Variants in ATP2B2 observed in about 807,000 individuals in gnomAD.
The protein encoded by ATP2B2 is ATPase plasma membrane Ca2+ transporting 2, also known as plasma membrane calcium-transporting ATPase 2.
ATP2B2 carries 15 observed loss-of-function variants against 120.0 expected under a neutral mutation model. The observed-to-expected ratio is 0.12, with a 90% CI of 0.08 to 0.19. ATP2B2 has a LOEUF of 0.19. Ranked by LOEUF, ATP2B2 falls within the 10% of genes least tolerant of loss-of-function variation. The probability of loss-of-function intolerance (pLI) is 1.00; values close to 1 mark genes in which losing one functional copy is unlikely to be tolerated. For missense variants in ATP2B2, 1,045 were observed against 1,719.8 expected, an observed-to-expected ratio of 0.61 and a Z score of 6.94; for synonymous variants, 694 against 700.3, an observed-to-expected ratio of 0.99 and a Z score of 0.14.
chr3:10,359,076 C>T (rs531415045), intron 13 of ATP2B2, 151 bp from the exon 14 acceptor site: 2 of 787,396 alleles, frequency 2.5e-6, no homozygotes, highest in Admixed American at 2.6e-5. Flanking sequence ...TGAAATCAAG[C>T]ATTCGTCCTG....
intron 5 of ATP2B2, among the ~76,000 whole-genome samples, chr3:10,400,154 C>T (rs1436385841): frequency 6.6e-6 from 1 of 152,270 alleles, no homozygotes; most frequent in Non-Finnish European, 1.5e-5. Context: ...CAGGGTTTCC[C>T]CACCTCTTCT....
rs779230526 is a variant in ATP2B2, at chr3:10,371,929, C to T, written c.1539G>A (p.Gln513=). 1 of 1,614,234 alleles carries T rather than the reference C, an allele frequency of 6.2e-7. No individual in the cohort carries two copies. Among genetic ancestry groups the T allele is most frequent in the Non-Finnish European group, 8.5e-7 (1 of 1,180,044 alleles). ...TATAGTGGACGTCGCCGACATAGGC[C>T]TGTACCACTGTCATGCGATTGGTGG... ...TLTTNRMTVV[Q]AYVGDVHYKE... is the part of the protein sequence containing the mutation. The change falls in exon 12 of 23, where the codon CAG becomes CAA. Residue 513 remains glutamine (Q), a synonymous_variant. Coordinates refer to ENST00000360273, the MANE Select transcript of ATP2B2 (RefSeq NM_001001331.4).
intron 1 of ATP2B2, among the ~76,000 whole-genome samples, chr3:10,648,950 C>G (rs1382637918): frequency 1.3e-5 from 2 of 152,234 alleles, no homozygotes; most frequent in Non-Finnish European, 1.5e-5. Flanking sequence ...ACAGAGCAGC[C>G]AGAGATGACC....
intron 2 of ATP2B2, among the ~76,000 whole-genome samples, chr3:10,600,838 A>G (rs9822272): frequency 0.15 from 22,930 of 152,022 alleles, 1,907 homozygotes; most frequent in East Asian, 0.26. Flanking sequence ...ATGGGGAGGG[A>G]GATGAGCTGG....
chr3:10,680,887 T>C (rs894029235), intron 1 of ATP2B2, among the ~76,000 whole-genome samples: 5 of 152,170 alleles, frequency 3.3e-5, no homozygotes, highest in African/African-American at 1.2e-4. Context: ...ATTCTCCATG[T>C]GGAGGTGGGG....
At chr3:10,629,180 GCA>G (rs897686533) in intron 1 of ATP2B2, among the ~76,000 whole-genome samples, 5 of 152,160 alleles carry the variant, frequency 3.3e-5, no homozygotes, top group Admixed American at 3.3e-4. Context: ...ATGCGGTACT[GCA>G]CAGACTGCAG....
At chr3:10,619,629 A>T (rs2069491807) in intron 2 of ATP2B2, among the ~76,000 whole-genome samples, 1 of 152,188 alleles carries the variant, frequency 6.6e-6, no homozygotes, top group African/African-American at 2.4e-5. Flanking sequence ...GGAGGCGGTC[A>T]CCGGCTGGAA....
Position 10,635,308 on chromosome 3 carries a change from G to C in ATP2B2, c.-459-15347C>G, listed in dbSNP as rs553391548. ...AGTCACGGGATTTGCCTGAAGCCCC[G>C]GGTTTGGAGTCTCTGGTTGAGAGTT... On this transcript the variant is annotated intron_variant, in intron 1 of 21. Transcript: ENST00000646379. This position sits in a 1 kb window ranked among gnomAD's most constrained non-coding sequence, Gnocchi z 4.3. Among the ~76,000 whole-genome samples, 66 of 152,226 alleles carry C rather than the reference G, an allele frequency of 4.3e-4. No individual in the cohort carries two copies. Among genetic ancestry groups the C allele is most frequent in the South Asian group, 8.3e-4 (4 of 4,810 alleles).
chr3:10,683,758 G>GTGTGTGTGTA (rs1334250607), intron 1 of ATP2B2, among the ~76,000 whole-genome samples: 1,353 of 33,350 alleles, frequency 0.041, 46 homozygotes, highest in South Asian at 0.081. Context: ...ATGTGTGTGT[G>GTGTGTGTGTA]TGTATATATA....
chr3:10,358,793 G>T lies in ATP2B2; in HGVS notation c.2034C>A (p.Asp678Glu). Residue 678 changes from aspartate to glutamate, a missense_variant, in exon 14 of 23, where the codon GAC becomes GAA. Physicochemically the swap from Asp to Glu is conservative, Grantham distance 45 (BLOSUM62 2). Coordinates refer to ENST00000360273, the MANE Select transcript of ATP2B2 (RefSeq NM_001001331.4). The stretch of plus-strand genomic sequence containing the variant: ...AGTCCGGCTCCGGGCTGCTGGGGAA[G>T]TCGCGGTAGGCCACGCAGATAGTGC... ...GLRTICVAYR[D>E]FPSSPEPDWD... 6.2e-7 allele frequency: 1 copy of T among 1,614,254 alleles called. No individual in the cohort carries two copies. The highest frequency in any genetic ancestry group is 8.5e-7 in the Non-Finnish European group (1 of 1,180,044).
In ATP2B2 at chr3:10,618,469, G is replaced by A. The variant is rs376625273; in HGVS notation, c.-415+1448C>T. On this transcript the variant is annotated intron_variant, in intron 2 of 21. Coordinates refer to the ATP2B2 transcript ENST00000646379. Reference sequence around the variant, plus strand: ...GTGGAGAGGAAGAGACAAGGCTATCGAGGTGATGAGCAGTGGAACAGAAGT... The same window carrying A: ...GTGGAGAGGAAGAGACAAGGCTATCAAGGTGATGAGCAGTGGAACAGAAGT... 9.2e-5 allele frequency among the ~76,000 whole-genome samples: 14 copies of A among 152,310 alleles called. No individual in the cohort carries two copies. The East Asian group carries it at 1.9e-3, about 21-fold the overall frequency.
intron 22 of ATP2B2, chr3:10,330,090 T>C (rs1039967905): frequency 4.6e-5 from 7 of 153,092 alleles, no homozygotes; most frequent in African/African-American, 1.7e-4. Flanking sequence ...TGGAATCAGA[T>C]GGCCAAACCC....
chr3:10,334,471 G>T (rs1261246290), intron 22 of ATP2B2, among the ~76,000 whole-genome samples: 3 of 152,192 alleles, frequency 2.0e-5, no homozygotes, highest in Admixed American at 6.5e-5. Context: ...TGCTGCTAAG[G>T]TGAGAGCTCT....
intron 2 of ATP2B2, among the ~76,000 whole-genome samples, chr3:10,599,942 AAC>A (rs1206003173): frequency 1.3e-5 from 2 of 152,238 alleles, no homozygotes; most frequent in Non-Finnish European, 2.9e-5. Context: ...CATTTGAGAT[AAC>A]ACAGAACCAA....
At chr3:10,332,944 A>G (rs1574927845) in intron 22 of ATP2B2, among the ~76,000 whole-genome samples, 1 of 152,152 alleles carries the variant, frequency 6.6e-6, no homozygotes, top group East Asian at 1.9e-4. Context: ...CGGGGCAAAA[A>G]CAACCTCGTT....
chr3:10,365,668 G>A (rs1374255093), intron 12 of ATP2B2, among the ~76,000 whole-genome samples: 5 of 149,312 alleles, frequency 3.3e-5, no homozygotes, highest in Non-Finnish European at 3.0e-5. Flanking sequence ...TATGTGTGTG[G>A]TGTGTGTGTG....
chr3:10,456,067 A>G (rs1275776084), intron 1 of ATP2B2, among the ~76,000 whole-genome samples: 2 of 151,780 alleles, frequency 1.3e-5, no homozygotes, highest in African/African-American at 4.8e-5. Flanking sequence ...AGTCTTTGCC[A>G]GAAGGGAGGT....
chr3:10,591,495 C>G (rs1465546342), intron 2 of ATP2B2, among the ~76,000 whole-genome samples: 1 of 152,200 alleles, frequency 6.6e-6, no homozygotes, highest in African/African-American at 2.4e-5. Flanking sequence ...CTCTCTCCCC[C>G]TCAAATCACC....
At chr3:10,471,783 T>TA (rs898592622) in intron 1 of ATP2B2, among the ~76,000 whole-genome samples, 201 of 152,238 alleles carry the variant, frequency 1.3e-3, no homozygotes, top group African/African-American at 4.7e-3. Flanking sequence ...TTCATTAATT[T>TA]AAAAAAATTA....
Sources: allele counts gnomAD v4.1 joint callset (sites outside exome capture counted in the v4.1 genomes callset), GRCh38; gene constraint gnomAD v4.1.1; non-coding constraint Gnocchi (gnomAD v3.1); transcripts MANE v1.5; gene names NCBI Gene and HGNC (gene_info 2026-07-23, HGNC 2026-07-21).